The following CUL4A variants were observed in gnomAD, a reference collection of about 807,000 sequenced individuals.
CUL4A encodes the protein cullin 4A, also known as cullin-4A.
CUL4A carries 16 observed loss-of-function variants against 95.5 expected under a neutral mutation model. The observed-to-expected ratio is 0.17, with a 90% CI of 0.11 to 0.25. CUL4A has a LOEUF of 0.25. Among genes scored for constraint, CUL4A ranks in the 10% least tolerant of loss-of-function variants. The pLI is 1.00. For synonymous variants in CUL4A, 380 were observed against 353.1 expected (o/e 1.08, Z -0.85); for missense variants, 610 against 937.0 (o/e 0.65, Z 4.56).
At chr13:113,255,851 T>C (rs964769142) in intron 18 of CUL4A, among the ~76,000 whole-genome samples, 6 of 152,236 alleles carry the variant, frequency 3.9e-5, no homozygotes, top group Non-Finnish European at 8.8e-5. Flanking sequence ...TGACTAAAGC[T>C]GCTATAAACA....
rs760636923 is a variant in CUL4A, at chr13:113,254,974, C to T, written c.1880C>T (p.Thr627Met). 2.5e-6 allele frequency: 4 copies of T among 1,613,204 alleles called. No individual in the cohort carries two copies. Among genetic ancestry groups the T allele is most frequent in the African/African-American group, 1.3e-5 (1 of 75,038 alleles). ...TGIEDSELRR[T>M]LQSLACGKAR... ...TCAGAGGATAGTGAATTGCGCAGAA[C>T]GCTGCAGTCCCTGGCCTGTGGCAAA... is the stretch of plus-strand genomic sequence containing the variant. Residue 627 changes from threonine to methionine, a missense_variant, in exon 18 of 20, where the codon ACG (threonine) becomes ATG (methionine). Thr to Met is a moderately conservative substitution (Grantham distance 81, BLOSUM62 -1). This residue lies in a region of CUL4A where 72 missense variants were observed against 93.2 expected (regional missense o/e 0.77). Transcript: ENST00000375440.
At chr13:113,242,820 G>A in intron 10 of CUL4A, 148 bp from the exon 11 acceptor site, 1 of 644,084 alleles carries the variant, frequency 1.6e-6, no homozygotes, top group Non-Finnish European at 2.5e-6. Flanking sequence ...TTTGAAATGT[G>A]AATTCAATTT....
In CUL4A at chr13:113,266,788, A is replaced by G. The variant is rs943067883; in HGVS notation, c.*3206A>G. 1 of 152,224 alleles carries G rather than the reference A, an allele frequency of 6.6e-6. No individual in the cohort carries two copies. 9.4% of individuals were successfully genotyped at this position (152,224 alleles called of 1,614,324 possible). A position where few individuals can be genotyped will look rare whatever the true frequency, so the allele number is the denominator to read the frequency against. On this transcript the variant is annotated 3_prime_UTR_variant, in exon 20 of 20. Transcript: ENST00000375440. ...GTTGGATTAGACTCCTTTTTATACT[A>G]AGGGAAGTTCCAAGTGGTCAAGTAT...
chr13:113,245,905 T>C (rs2041844841), intron 14 of CUL4A, 51 bp from the exon 15 acceptor site: 1 of 1,306,092 alleles, frequency 7.7e-7, no homozygotes, highest in Non-Finnish European at 1.1e-6. Context: ...TTTAGGTTAA[T>C]TATGTTTTAT....
At chr13:113,245,409 T>A (rs910459092) in intron 14 of CUL4A, among the ~76,000 whole-genome samples, 172 bp downstream of exon 14, 3 of 151,994 alleles carry the variant, frequency 2.0e-5, no homozygotes, top group Admixed American at 6.6e-5. Flanking sequence ...AAAAGAAAAA[T>A]TTTTTTAATG....
At chr13:113,227,918 A>AG in intron 3 of CUL4A, 58 bp from the exon 4 acceptor site, 2 of 1,219,402 alleles carry the variant, frequency 1.6e-6, no homozygotes, top group Non-Finnish European at 2.4e-6. Flanking sequence ...AAAAAAAAAA[A>AG]AAAAGGTAAT....
rs556006257 is a variant in CUL4A, at chr13:113,236,559, G to C, written c.849-264G>C. Reference sequence around the variant, plus strand: ...AGATGGCTAAAATCAGCAATCCTTGGAATAACGCAGAAGCATCCCTGCTTC... The same window carrying C: ...AGATGGCTAAAATCAGCAATCCTTGCAATAACGCAGAAGCATCCCTGCTTC... On this transcript the variant is annotated intron_variant, in intron 8 of 19. Transcript: ENST00000375440. Among the ~76,000 whole-genome samples the C allele has an allele frequency of 5.9e-5, 9 of 152,318 alleles. No homozygotes were observed. In the South Asian group the frequency reaches 1.5e-3, roughly 25 times the overall value.
intron 5 of CUL4A, among the ~76,000 whole-genome samples, chr13:113,230,660 G>A (rs768609825): frequency 9.2e-5 from 14 of 152,166 alleles, no homozygotes; most frequent in African/African-American, 2.7e-4. Context: ...GCTCTGTGGC[G>A]TGGCCATTGT....
At chr13:113,257,279 A>G (rs963716775) in intron 18 of CUL4A, among the ~76,000 whole-genome samples, 7 of 152,130 alleles carry the variant, frequency 4.6e-5, no homozygotes, top group Admixed American at 3.9e-4. Context: ...TTTTTTTCAC[A>G]TAACAGTTTT....
intron 8 of CUL4A, among the ~76,000 whole-genome samples, chr13:113,235,746 A>G (rs149175792): frequency 0.035 from 5,276 of 152,214 alleles, 143 homozygotes; most frequent in Non-Finnish European, 0.055. Context: ...TGAGGTGGGC[A>G]GATCACAAAG....
intron 9 of CUL4A, among the ~76,000 whole-genome samples, 155 bp downstream of exon 9, chr13:113,237,045 A>G (rs2287254): frequency 0.35 from 53,474 of 151,990 alleles, 10,488 homozygotes; most frequent in East Asian, 0.57. Flanking sequence ...TTAGCCATCC[A>G]CGGGAGAAAA....
chr13:113,218,816 T>G, intron 2 of CUL4A, 129 bp from the exon 3 acceptor site: 1 of 602,648 alleles, frequency 1.7e-6, no homozygotes. Context: ...TATTTGTAGA[T>G]TCCTGAAGTA....
upstream of CUL4A, chr13:113,208,238 A>T (rs2040081590): frequency 6.8e-7 from 1 of 1,466,834 alleles, no homozygotes. Flanking sequence ...CCGACACAGC[A>T]CCGCCCACAG....
At chr13:113,214,192 T>TA (rs2040558676) in intron 2 of CUL4A, among the ~76,000 whole-genome samples, 1 of 152,220 alleles carries the variant, frequency 6.6e-6, no homozygotes, top group South Asian at 2.1e-4. Context: ...TCCTGTCACT[T>TA]ACACTTTTTG....
chr13:113,224,148 C>A (rs1046173066), intron 3 of CUL4A, among the ~76,000 whole-genome samples: 1 of 152,140 alleles, frequency 6.6e-6, no homozygotes, highest in South Asian at 2.1e-4. Flanking sequence ...GTCAGGAGAT[C>A]GAGACCATCC....
At chr13:113,244,240 A>T in intron 11 of CUL4A, 170 bp from the exon 12 acceptor site, 1 of 573,104 alleles carries the variant, frequency 1.7e-6, no homozygotes. Context: ...GCAAGTATTT[A>T]CTCTCACTTG....
intron 1 of CUL4A, 69 bp downstream of exon 1, chr13:113,209,844 G>C (rs867242793): frequency 8.7e-7 from 1 of 1,150,684 alleles, no homozygotes; most frequent in Non-Finnish European, 1.1e-6. Flanking sequence ...CGCCCGACTT[G>C]GGGGGAAGGC....
At chr13:113,240,315 AT>A (rs1308691792) in intron 10 of CUL4A, among the ~76,000 whole-genome samples, 1 of 152,170 alleles carries the variant, frequency 6.6e-6, no homozygotes, top group Non-Finnish European at 1.5e-5. Context: ...ACCACAAAGA[AT>A]CACCTGCCCA....
At chr13:113,208,665 C>G (rs373010760), upstream of CUL4A, 272 of 1,597,980 alleles carry the variant, frequency 1.7e-4, no homozygotes, top group Middle Eastern at 6.8e-4. Context: ...AGCGCCACCC[C>G]CTACGCCTCA....
Sources: gnomAD v4.1 joint callset for allele counts (sites outside exome capture counted in the v4.1 genomes callset) on GRCh38, gnomAD v4.1.1 for gene constraint, gnomAD v4.1.1 regional missense constraint, MANE v1.5 for transcripts, NCBI Gene and HGNC (gene_info 2026-07-23, HGNC 2026-07-21) for gene names.